The following MEI4 variants were observed in gnomAD, a reference collection of about 807,000 sequenced individuals.
MEI4 encodes the protein meiosis-specific protein MEI4.
In MEI4, 27 loss-of-function variants were observed where a neutral mutation model predicts 31.4. That is an observed-to-expected ratio of 0.86 (90% CI 0.63 to 1.19). MEI4 has a LOEUF of 1.19. Ranked by LOEUF, MEI4 falls within the 50% of genes most tolerant of loss-of-function variation. The pLI, the probability that MEI4 is intolerant of heterozygous loss-of-function variation, is 0.00. For missense variants in MEI4, 329 were observed against 398.9 expected (o/e 0.82, Z 1.49); for synonymous variants, 122 against 145.4 (o/e 0.84, Z 1.16).
At chr6:77,891,612 G>A (rs1055545245) in intron 4 of MEI4, among the ~76,000 whole-genome samples, 2 of 151,694 alleles carry the variant, frequency 1.3e-5, no homozygotes, top group African/African-American at 2.4e-5. Context: ...TTTCAGTCAT[G>A]TCATGAATTT....
At chr6:77,837,882 A>C in intron 4 of MEI4, among the ~76,000 whole-genome samples, 2 of 152,278 alleles carry the variant, frequency 1.3e-5, no homozygotes, top group East Asian at 3.9e-4. Context: ...TTATAACTAC[A>C]TATTTAAATG....
At chr6:77,910,118 A>C (rs1766398249) in intron 4 of MEI4, among the ~76,000 whole-genome samples, 1 of 152,138 alleles carries the variant, frequency 6.6e-6, no homozygotes, top group South Asian at 2.1e-4. Flanking sequence ...ATGGGCAAAA[A>C]CTGGAAGCAT....
intron 4 of MEI4, among the ~76,000 whole-genome samples, chr6:77,837,555 A>G (rs996289107): frequency 2.0e-5 from 3 of 152,208 alleles, no homozygotes; most frequent in Non-Finnish European, 2.9e-5. Flanking sequence ...ACTGTGGTCT[A>G]TGAGCCAAAT....
intron 1 of MEI4, among the ~76,000 whole-genome samples, chr6:77,673,705 A>G (rs999780075): frequency 6.6e-6 from 1 of 152,162 alleles, no homozygotes; most frequent in African/African-American, 2.4e-5. Flanking sequence ...AGAAGGGACA[A>G]TCACTATGGG....
chr6:77,883,741 TATAA>T lies in MEI4; in HGVS notation c.901-39347_901-39344del, dbSNP rs201030036. On this transcript the variant is annotated intron_variant, in intron 4 of 4. Coordinates refer to ENST00000684080, the MANE Select transcript of MEI4 (RefSeq NM_001322247.2). ...AGATATATATATATATATATATATA[TATAA>T]CTTTGTCTTTGTCTATTCATTTATT... is the stretch of plus-strand genomic sequence containing the variant. 4.6e-3 allele frequency among the ~76,000 whole-genome samples: 545 copies of T among 118,796 alleles called. 21 individuals carry two copies. In the East Asian group the frequency reaches 0.078, roughly 17 times the overall value. The allele number at this position is 118,796 out of a possible 152,430, so 77.9% of individuals were successfully genotyped here. A position where few individuals can be genotyped will look rare whatever the true frequency, so the allele number is the denominator to read the frequency against.
intron 4 of MEI4, among the ~76,000 whole-genome samples, chr6:77,916,926 C>T (rs1766570564): frequency 6.6e-6 from 1 of 150,454 alleles, no homozygotes; most frequent in African/African-American, 2.4e-5. Flanking sequence ...CCCCCTACCC[C>T]CACCCCACCA....
At chr6:77,655,536 C>T (rs777972831) in intron 1 of MEI4, among the ~76,000 whole-genome samples, 8 of 152,100 alleles carry the variant, frequency 5.3e-5, no homozygotes, top group South Asian at 4.1e-4. Context: ...GTCTTGGATG[C>T]GGGCTTTTTT....
At chr6:77,800,129 A>G (rs965915612) in intron 3 of MEI4, among the ~76,000 whole-genome samples, 3 of 152,312 alleles carry the variant, frequency 2.0e-5, no homozygotes, top group East Asian at 1.9e-4. Flanking sequence ...ACCCATGAGC[A>G]TGGAATGTTC....
intron 4 of MEI4, among the ~76,000 whole-genome samples, chr6:77,919,527 A>G (rs1000640044): frequency 1.1e-4 from 16 of 152,114 alleles, no homozygotes; most frequent in Non-Finnish European, 2.1e-4. Context: ...ATAGCACTAA[A>G]TACCCACAAG....
intron 4 of MEI4, among the ~76,000 whole-genome samples, chr6:77,852,278 A>G (rs1399788393): frequency 1.3e-5 from 2 of 152,224 alleles, no homozygotes; most frequent in African/African-American, 4.8e-5. Flanking sequence ...TGAATAAAAT[A>G]ACTTTCTTCA....
rs181176002 is a variant in MEI4, at chr6:77,805,101, G to T, written c.769-23830G>T. Among the ~76,000 whole-genome samples, 611 of 152,116 alleles carry T rather than the reference G, an allele frequency of 4.0e-3. 5 individuals carry two copies. Among genetic ancestry groups the T allele is most frequent in the Non-Finnish European group, 5.2e-3 (355 of 67,978 alleles). On this transcript the variant is annotated intron_variant, in intron 3 of 4. Transcript: ENST00000684080. ...AGTAATAGAAGATATTTTTATATTG[G>T]ATGATAAAGATTATTTTATTGTAGA...
At chr6:77,694,756 A>T (rs1327957160) in intron 2 of MEI4, among the ~76,000 whole-genome samples, 8 of 151,992 alleles carry the variant, frequency 5.3e-5, no homozygotes, top group Admixed American at 6.6e-5. Flanking sequence ...AGCATGATTT[A>T]TAATCCTTTG....
At chr6:77,834,825 C>T (rs1770174677) in intron 4 of MEI4, among the ~76,000 whole-genome samples, 1 of 152,184 alleles carries the variant, frequency 6.6e-6, no homozygotes, top group African/African-American at 2.4e-5. Flanking sequence ...TTCCCCCGCT[C>T]TCCCAAATAG....
At chr6:77,699,990 G>A (rs1766176953) in intron 2 of MEI4, among the ~76,000 whole-genome samples, 2 of 152,150 alleles carry the variant, frequency 1.3e-5, no homozygotes, top group African/African-American at 2.4e-5. Flanking sequence ...GCAGTGTGAG[G>A]TGTCAGTCTG....
chr6:77,730,714 T>G (rs1029670549), intron 2 of MEI4, among the ~76,000 whole-genome samples: 2 of 152,088 alleles, frequency 1.3e-5, no homozygotes, highest in Non-Finnish European at 2.9e-5. Context: ...GCCATGCTGG[T>G]GCGCTGCACC....
intron 3 of MEI4, among the ~76,000 whole-genome samples, chr6:77,770,996 T>C (rs1582124861): frequency 1.3e-5 from 2 of 151,988 alleles, no homozygotes; most frequent in South Asian, 2.1e-4. Flanking sequence ...ACAGAGTAAA[T>C]AGGCACCCTA....
chr6:77,896,498 G>T (rs1766087813), intron 4 of MEI4, among the ~76,000 whole-genome samples: 1 of 152,032 alleles, frequency 6.6e-6, no homozygotes, highest in Non-Finnish European at 1.5e-5. Context: ...GATAACCAGA[G>T]AATATGTTTA....
At chr6:77,913,728 T>C (rs1766480750) in intron 4 of MEI4, among the ~76,000 whole-genome samples, 1 of 151,850 alleles carries the variant, frequency 6.6e-6, no homozygotes, top group Non-Finnish European at 1.5e-5. Flanking sequence ...TTTAGTTTTT[T>C]TTTTTTTAGA....
chr6:77,740,281 A>G (rs1179865735), intron 2 of MEI4, among the ~76,000 whole-genome samples: 2 of 152,164 alleles, frequency 1.3e-5, no homozygotes, highest in African/African-American at 4.8e-5. Flanking sequence ...AAGAATGTAC[A>G]TTCTGTTGTT....
Sources: allele counts gnomAD v4.1 joint callset (sites outside exome capture counted in the v4.1 genomes callset), GRCh38; gene constraint gnomAD v4.1.1; transcripts MANE v1.5; gene names NCBI Gene and HGNC (gene_info 2026-07-23, HGNC 2026-07-21).